FBXO25: variants seen among roughly 807,000 people sequenced by gnomAD.
FBXO25 encodes F-box only protein 25.
In FBXO25, 45 loss-of-function variants were observed where a neutral mutation model predicts 51.9. The observed-to-expected ratio is 0.87, with a 90% confidence interval of 0.68 to 1.11. FBXO25 has a LOEUF of 1.11. Ranked by LOEUF, FBXO25 falls within the 50% of genes most tolerant of loss-of-function variation. FBXO25 has a pLI of 0.00. For synonymous variants in FBXO25, 199 were observed against 151.0 expected (o/e 1.32, Z -2.33); for missense variants, 507 against 428.5 (o/e 1.18, Z -1.62).
At position 408,511 on chromosome 8, in the gene FBXO25, T is replaced by C. The variant is rs545728892; in HGVS notation, c.-8+1445T>C. On this transcript the variant is annotated intron_variant, in intron 1 of 9. Coordinates refer to ENST00000350302, the MANE Select transcript of FBXO25 (RefSeq NM_183420.2). Reference sequence around the variant, plus strand: ...TCATCTTTAAAATACATAATGAAACTTGTAAAACAAGAATAATGTTTTCTA... The same window carrying C: ...TCATCTTTAAAATACATAATGAAACCTGTAAAACAAGAATAATGTTTTCTA... Among the ~76,000 whole-genome samples, 19 of 152,312 alleles carry C rather than the reference T, an allele frequency of 1.2e-4. No individual in the cohort carries two copies. In the South Asian group the frequency reaches 3.7e-3, roughly 30 times the overall value.
At position 470,886 on chromosome 8, in the gene FBXO25, G is replaced by C. The variant is rs544339476; in HGVS notation, c.*2082G>C. On this transcript the variant is annotated 3_prime_UTR_variant, in exon 10 of 10. Transcript: ENST00000350302. ...TGGTAAATTACTTAATGTGGTATTTGCCTGTTTTTTGGGGTGGATGTCAGT... is the reference window on the plus strand; with the variant it reads ...TGGTAAATTACTTAATGTGGTATTTCCCTGTTTTTTGGGGTGGATGTCAGT... 2.0e-5 allele frequency: 3 copies of C among 152,142 alleles called. No homozygotes were observed. The highest frequency in any genetic ancestry group is 7.2e-5 in the African/African-American group (3 of 41,502). 9.4% of individuals were successfully genotyped at this position (152,142 alleles called of 1,614,324 possible). A position where few individuals can be genotyped will look rare whatever the true frequency, so the allele number is the denominator to read the frequency against.
intron 7 of FBXO25, among the ~76,000 whole-genome samples, chr8:457,908 C>A (rs1466760786): frequency 6.6e-6 from 1 of 152,208 alleles, no homozygotes; most frequent in African/African-American, 2.4e-5. Flanking sequence ...CAGCTGTGAC[C>A]CATAAAGGCC....
intron 2 of FBXO25, among the ~76,000 whole-genome samples, chr8:430,718 A>G (rs1797774827): frequency 6.6e-6 from 1 of 152,174 alleles, no homozygotes; most frequent in African/African-American, 2.4e-5. Context: ...AAAAAGTAAA[A>G]GGTGTTCCCA....
chr8:465,924 G>A (rs1219904837), intron 9 of FBXO25, among the ~76,000 whole-genome samples: 2 of 152,106 alleles, frequency 1.3e-5, no homozygotes, highest in African/African-American at 4.8e-5. Flanking sequence ...CTTGTATTTA[G>A]TGAACTTTGT....
Position 468,741 on chromosome 8 carries a change from C to T in FBXO25, c.1014C>T (p.Ala338=), listed in dbSNP as rs757371781. The T allele has an allele frequency of 7.4e-6, 12 of 1,613,864 alleles. No individual in the cohort carries two copies. In the East Asian group the frequency reaches 1.1e-4, roughly 15 times the overall value. ...ACTCAGGACACCCCTGCACGGCGGC[C>T]GACCCTGACAGCTGCTTCACGCCTG... is the stretch of plus-strand genomic sequence containing the variant. ...WKDSGHPCTA[A]DPDSCFTPVS... Residue 338 remains alanine (A), a synonymous_variant, in exon 10 of 10, where the codon GCC becomes GCT. Transcript: ENST00000350302.
At chr8:435,848 G>A (rs1391372681) in intron 5 of FBXO25, 141 bp downstream of exon 5, 34 of 1,263,942 alleles carry the variant, frequency 2.7e-5, no homozygotes, top group Non-Finnish European at 3.1e-5. Flanking sequence ...AAAACAGAAG[G>A]GAACAAGTTC....
intron 6 of FBXO25, 181 bp from the exon 7 acceptor site, chr8:451,088 A>T: frequency 1.8e-6 from 1 of 553,790 alleles, no homozygotes; most frequent in Non-Finnish European, 3.1e-6. Context: ...GGGTTCATCC[A>T]TGCTGAATAT....
At chr8:448,478 C>T (rs139832935) in intron 5 of FBXO25, among the ~76,000 whole-genome samples, 4,762 of 152,226 alleles carry the variant, frequency 0.031, 243 homozygotes, top group African/African-American at 0.11. Context: ...AAAGGATGGC[C>T]CATGAATTTT....
chr8:452,108 C>G (rs1090), intron 7 of FBXO25, among the ~76,000 whole-genome samples: 4,554 of 152,262 alleles, frequency 0.03, 202 homozygotes, highest in African/African-American at 0.091. Context: ...GATTGCACTG[C>G]TAAGATCCTA....
chr8:435,335 A>T (rs1798041096), intron 4 of FBXO25: 1 of 440,200 alleles, frequency 2.3e-6, no homozygotes, highest in East Asian at 4.8e-5. Context: ...TGTCCCCAAC[A>T]AAACAAACCG....
chr8:441,576 A>G (rs892523387), intron 5 of FBXO25, among the ~76,000 whole-genome samples: 3 of 152,234 alleles, frequency 2.0e-5, no homozygotes, highest in African/African-American at 7.2e-5. Flanking sequence ...CACAGCGAAG[A>G]GGCAACCTAC....
At chr8:419,927 C>A (rs917562018) in intron 2 of FBXO25, among the ~76,000 whole-genome samples, 18 of 152,112 alleles carry the variant, frequency 1.2e-4, no homozygotes, top group Non-Finnish European at 2.9e-5. Flanking sequence ...AATAAGAAAA[C>A]AACCCAGTAA....
rs142817987 is a variant in FBXO25 at position 418,718 on chromosome 8, T to C, written c.134+5505T>C. Among the ~76,000 whole-genome samples the C allele has an allele frequency of 9.9e-3, 1,502 of 152,200 alleles. 17 individuals carry two copies. Among genetic ancestry groups the C allele is most frequent in the Non-Finnish European group, 0.017 (1,144 of 67,990 alleles). On this transcript the variant is annotated intron_variant, in intron 2 of 9. Transcript: ENST00000350302. The stretch of plus-strand genomic sequence containing the variant: ...TTACACTTCTAAAAAACTAAGAAGA[T>C]AAGAATAGTTAATTTACAAAACACT...
intron 2 of FBXO25, among the ~76,000 whole-genome samples, chr8:418,321 C>CTTTT (rs1796933362): frequency 7.3e-6 from 1 of 136,888 alleles, no homozygotes; most frequent in Admixed American, 7.3e-5. Context: ...TTCTTTTGTT[C>CTTTT]GTTTGTTTGT....
chr8:445,852 C>G (rs986562400), intron 5 of FBXO25, among the ~76,000 whole-genome samples: 3 of 152,196 alleles, frequency 2.0e-5, no homozygotes, highest in African/African-American at 7.2e-5. Context: ...GCCTGGGGGA[C>G]AAGAGTGAAA....
intron 4 of FBXO25, among the ~76,000 whole-genome samples, chr8:433,761 A>T (rs1307682680): frequency 2.6e-5 from 4 of 152,226 alleles, no homozygotes; most frequent in African/African-American, 9.6e-5. Context: ...TAAGTTAAAT[A>T]TTCCAGAAAT....
At chr8:436,943 C>T (rs1022684043) in intron 5 of FBXO25, among the ~76,000 whole-genome samples, 2 of 152,124 alleles carry the variant, frequency 1.3e-5, no homozygotes, top group Non-Finnish European at 2.9e-5. Flanking sequence ...GGGTGCCCTG[C>T]TGTCTCATCT....
intron 9 of FBXO25, among the ~76,000 whole-genome samples, chr8:465,897 G>T (rs982036948): frequency 1.3e-5 from 2 of 152,084 alleles, no homozygotes; most frequent in Non-Finnish European, 2.9e-5. Flanking sequence ...CCTTCCAAAA[G>T]AATTTGCTTT....
chr8:410,573 T>A (rs1186858635), intron 1 of FBXO25, among the ~76,000 whole-genome samples: 1 of 152,208 alleles, frequency 6.6e-6, no homozygotes, highest in Admixed American at 6.5e-5. Context: ...AGTCATCTGC[T>A]ACTTCATGGT....
Sources: allele counts gnomAD v4.1 joint callset (sites outside exome capture counted in the v4.1 genomes callset), GRCh38; gene constraint gnomAD v4.1.1; transcripts MANE v1.5; gene names NCBI Gene and HGNC (gene_info 2026-07-23, HGNC 2026-07-21).